The following TNR variants were observed in gnomAD, a reference collection of about 807,000 sequenced individuals.
TNR encodes the protein tenascin-R.
TNR carries 45 observed loss-of-function variants against 150.4 expected under a neutral mutation model. The observed-to-expected ratio is 0.30, with a 90% confidence interval of 0.24 to 0.38. TNR has a LOEUF of 0.38. Among genes scored for constraint, TNR ranks in the 10% least tolerant of loss-of-function variants. The pLI, the probability that TNR is intolerant of heterozygous loss-of-function variation, is 1.00. For missense variants in TNR, 1,544 were observed against 1,759.1 expected, an observed-to-expected ratio of 0.88 and a Z score of 2.19; for synonymous variants, 687 against 678.4, an observed-to-expected ratio of 1.01 and a Z score of -0.20.
In TNR at chr1:175,320,135, C is replaced by A. The variant is rs1367266042; in HGVS notation, c.*3222G>T. 1 of 152,280 alleles carries A rather than the reference C, an allele frequency of 6.6e-6. No individual in the cohort carries two copies. The highest frequency in any genetic ancestry group is 1.5e-5 in the Non-Finnish European group (1 of 68,048). 9.4% of individuals were successfully genotyped at this position (152,280 alleles called of 1,614,324 possible). A position where few individuals can be genotyped will look rare whatever the true frequency, so the allele number is the denominator to read the frequency against. Reference sequence around the variant, plus strand: ...TAAACAGCCTCTGAGAAGGGTCTACCTCGATTCCTTTTGAGTCCCTTGAGG... The same window carrying A: ...TAAACAGCCTCTGAGAAGGGTCTACATCGATTCCTTTTGAGTCCCTTGAGG... On this transcript the variant is annotated 3_prime_UTR_variant, in exon 23 of 23. Coordinates refer to ENST00000367674, the MANE Select transcript of TNR (RefSeq NM_003285.3).
chr1:175,337,139 C>T (rs1650289310), intron 19 of TNR, among the ~76,000 whole-genome samples: 1 of 152,164 alleles, frequency 6.6e-6, no homozygotes, highest in Non-Finnish European at 1.5e-5. Context: ...AAGTCATCAC[C>T]CGCCTTGGCC....
rs543966403 is a variant in TNR, at chr1:175,376,272, C to T, written c.1963+3280G>A. Among the ~76,000 whole-genome samples the T allele has an allele frequency of 6.6e-5, 10 of 152,326 alleles. No homozygotes were observed. The South Asian group carries it at 2.1e-3, about 32-fold the overall frequency. On this transcript the variant is annotated intron_variant, in intron 9 of 22. Coordinates refer to ENST00000367674, the MANE Select transcript of TNR (RefSeq NM_003285.3). ...TCACAGACCTCCTCATCTCTTTCGT[C>T]TTCACCACTGTCATCCACTTACTGA...
At chr1:175,631,939 T>C (rs1664341719) in intron 1 of TNR, among the ~76,000 whole-genome samples, 1 of 152,222 alleles carries the variant, frequency 6.6e-6, no homozygotes, top group Non-Finnish European at 1.5e-5. Flanking sequence ...TTTAAGTATG[T>C]TTAGAAAAAC....
Position 175,599,479 on chromosome 1 carries a change from G to A in TNR, c.-164-71110C>T, listed in dbSNP as rs1381043453. Among the ~76,000 whole-genome samples the A allele has an allele frequency of 1.3e-5, 2 of 152,254 alleles. No homozygotes were observed. The highest frequency in any genetic ancestry group is 4.8e-5 in the African/African-American group (2 of 41,464). ...GAAATGAGAAGACTTGGGGTCTTGC[G>A]ATCGCCGCCGAGTGACGGAGTAATT... On this transcript the variant is annotated intron_variant, in intron 1 of 22. Transcript: ENST00000367674. This position sits in a 1 kb window ranked among gnomAD's most constrained non-coding sequence, Gnocchi z 4.7.
In TNR at chr1:175,691,394, T is replaced by G. The variant is rs1412149602; in HGVS notation, c.-165+51832A>C. On this transcript the variant is annotated intron_variant, in intron 1 of 22. Transcript: ENST00000367674. ...TGTGACAGGCACAGTTGTAAGAGTT[T>G]CCTGTGTTTTAACTAACTTTAATTC... is the stretch of plus-strand genomic sequence containing the variant. Among the ~76,000 whole-genome samples the G allele has an allele frequency of 2.6e-5, 4 of 152,194 alleles. No homozygotes were observed. The East Asian group carries it at 7.7e-4, about 29-fold the overall frequency.
chr1:175,643,270 G>GGACT (rs1321313823), intron 1 of TNR, among the ~76,000 whole-genome samples: 1 of 152,160 alleles, frequency 6.6e-6, no homozygotes, highest in East Asian at 1.9e-4. Flanking sequence ...AGTTGTAAGA[G>GGACT]GACTTATGTG....
At chr1:175,491,284 G>A (rs1470011086) in intron 2 of TNR, among the ~76,000 whole-genome samples, 1 of 152,150 alleles carries the variant, frequency 6.6e-6, no homozygotes, top group African/African-American at 2.4e-5. Context: ...TAATACCTAG[G>A]TGATGGGATG....
intron 2 of TNR, among the ~76,000 whole-genome samples, chr1:175,437,004 A>C (rs1030658124): frequency 6.6e-6 from 1 of 152,220 alleles, no homozygotes; most frequent in South Asian, 2.1e-4. Context: ...CAGGAATTGA[A>C]CTCAGCTCTG....
chr1:175,645,902 A>T (rs1040953600), intron 1 of TNR, among the ~76,000 whole-genome samples: 2 of 152,214 alleles, frequency 1.3e-5, no homozygotes, highest in African/African-American at 4.8e-5. Context: ...TATGCTTTAG[A>T]TATAAGCCCT....
Position 175,624,855 on chromosome 1 carries a change from G to A in TNR, c.-164-96486C>T, listed in dbSNP as rs370698071. 3.3e-4 allele frequency among the ~76,000 whole-genome samples: 50 copies of A among 152,234 alleles called. 1 individual carries two copies. Among genetic ancestry groups the A allele is most frequent in the African/African-American group, 1.2e-3 (49 of 41,542 alleles). On this transcript the variant is annotated intron_variant, in intron 1 of 22. Coordinates refer to ENST00000367674, the MANE Select transcript of TNR (RefSeq NM_003285.3). ...AGAAGATAGAGTTCCAAAGACAATCGTATTCTATTTCACCATGGGGTCACT... is the reference window on the plus strand; with the variant it reads ...AGAAGATAGAGTTCCAAAGACAATCATATTCTATTTCACCATGGGGTCACT...
In TNR at chr1:175,354,296, T is replaced by A. The variant is rs1208389694; in HGVS notation, c.3382+95A>T. 2.0e-6 allele frequency: 3 copies of A among 1,495,844 alleles called. No homozygotes were observed. The African/African-American group carries it at 4.2e-5, about 21-fold the overall frequency. 92.7% of individuals were successfully genotyped at this position (1,495,844 alleles called of 1,614,324 possible). A position where few individuals can be genotyped will look rare whatever the true frequency, so the allele number is the denominator to read the frequency against. The stretch of plus-strand genomic sequence containing the variant: ...GGAGGAGGCAACTGAGCTTTTTTGA[T>A]AAACTGCTCCCAGAGCAAGTCTCAG... On this transcript the variant is annotated intron_variant, in intron 18 of 22. Coordinates refer to ENST00000367674, the MANE Select transcript of TNR (RefSeq NM_003285.3).
At chr1:175,717,974 G>A (rs577319747) in intron 1 of TNR, among the ~76,000 whole-genome samples, 2 of 152,318 alleles carry the variant, frequency 1.3e-5, no homozygotes, top group South Asian at 4.1e-4. Flanking sequence ...ACTGAGCCTG[G>A]AGATTGTGGT....
chr1:175,351,660 T>C (rs1435553509), intron 18 of TNR, among the ~76,000 whole-genome samples: 7 of 152,236 alleles, frequency 4.6e-5, no homozygotes, highest in Non-Finnish European at 8.8e-5. Flanking sequence ...TCTTTCATTC[T>C]GCAACCAGTC....
Position 175,363,758 on chromosome 1 carries a change from G to A in TNR, c.2657C>T (p.Pro886Leu), listed in dbSNP as rs752447699. The A allele has an allele frequency of 1.2e-6, 2 of 1,613,928 alleles. No homozygotes were observed. Among genetic ancestry groups the A allele is most frequent in the African/African-American group, 2.7e-5 (2 of 75,034 alleles). Residue 886 changes from proline (P) to leucine (L), a missense_variant, in exon 13 of 23, where the codon CCT becomes CTT. Coordinates refer to ENST00000367674, the MANE Select transcript of TNR (RefSeq NM_003285.3). ...TKDSVMVSWS[P>L]PVASFDYYRV... ...GTAGTAATCGAAAGATGCAACAGGA[G>A]GGCTCCAGGAGACCATCACTGAGTC...
chr1:175,489,408 C>T (rs1360180866), intron 2 of TNR, among the ~76,000 whole-genome samples: 1 of 152,184 alleles, frequency 6.6e-6, no homozygotes, highest in Non-Finnish European at 1.5e-5. Context: ...CTGTTACAGT[C>T]ACCTTTAGGG....
chr1:175,513,640 G>A (rs1476832027), intron 2 of TNR, among the ~76,000 whole-genome samples: 1 of 152,146 alleles, frequency 6.6e-6, no homozygotes. Context: ...TGAAATCTAG[G>A]TCTCTACCTG....
chr1:175,421,222 T>C (rs1383709598), intron 2 of TNR, among the ~76,000 whole-genome samples: 5 of 152,166 alleles, frequency 3.3e-5, no homozygotes, highest in African/African-American at 1.2e-4. Flanking sequence ...ATGGATTTAC[T>C]CAACAATTCT....
Position 175,391,438 on chromosome 1 carries a change from T to A in TNR, c.1357A>T (p.Asn453Tyr), listed in dbSNP as rs777324695. The A allele has an allele frequency of 6.2e-7, 1 of 1,613,948 alleles. No homozygotes were observed. Among genetic ancestry groups the A allele is most frequent in the East Asian group, 2.2e-5 (1 of 44,890 alleles). The change falls in exon 7 of 23, where the codon AAC becomes TAC. Residue 453 changes from asparagine (N) to tyrosine (Y), a missense_variant and splice_region_variant. Around this residue, in one of 2 missense-constraint regions of TNR, gnomAD observed 1,254 missense variants for 1,329.4 expected, o/e 0.94. Transcript: ENST00000367674. ...DGWEISFIPKNNEGGVIAQVP... is the reference protein window; with the variant it reads ...DGWEISFIPKYNEGGVIAQVP... ...TGAGCAATCACTCCCCCTTCATTGT[T>A]CTGGACAGTGGGGAGAAGCAGAGAG...
rs769125854 is a variant in TNR, at chr1:175,364,990, G to A, written c.2587+20C>T. ...GTGAAAACCCCTTTCATCACCTGCT[G>A]CCAAGTCCTCCAGCCTCACCTGTGG... On this transcript the variant is annotated intron_variant, in intron 12 of 22. Coordinates refer to ENST00000367674, the MANE Select transcript of TNR (RefSeq NM_003285.3). The A allele has an allele frequency of 2.5e-6, 4 of 1,581,866 alleles. No individual in the cohort carries two copies. Among genetic ancestry groups the A allele is most frequent in the African/African-American group, 1.4e-5 (1 of 73,830 alleles).
Sources: allele counts gnomAD v4.1 joint callset (sites outside exome capture counted in the v4.1 genomes callset), GRCh38; gene constraint gnomAD v4.1.1; regional missense constraint gnomAD v4.1.1; non-coding constraint Gnocchi (gnomAD v3.1); transcripts MANE v1.5; gene names NCBI Gene and HGNC (gene_info 2026-07-23, HGNC 2026-07-21).